YLPM1: variants seen among roughly 807,000 people sequenced by gnomAD.
YLPM1 encodes the protein YLP motif-containing protein 1.
Under a neutral mutation model 230.0 loss-of-function variants are expected in YLPM1, and 99 were observed. That is an observed-to-expected ratio of 0.43 (90% confidence interval 0.37 to 0.51). The LOEUF is 0.51. YLPM1 is among the 20% of genes least tolerant of loss of function. The probability of loss-of-function intolerance (pLI) is 0.00; values close to 1 mark genes in which losing one functional copy is unlikely to be tolerated. For synonymous variants in YLPM1, 984 were observed against 942.5 expected (o/e 1.04, Z -0.81); for missense variants, 2,592 against 2,707.7 (o/e 0.96, Z 0.95).
chr14:74,783,192 G>A (rs2091113044), intron 4 of YLPM1, among the ~76,000 whole-genome samples: 1 of 152,034 alleles, frequency 6.6e-6, no homozygotes, highest in African/African-American at 2.4e-5. Context: ...AGCCTCCCAG[G>A]TGGCTGGGAC....
At chr14:74,779,609 A>G (rs1260990739) in intron 2 of YLPM1, among the ~76,000 whole-genome samples, 2 of 151,596 alleles carry the variant, frequency 1.3e-5, no homozygotes, top group Admixed American at 1.3e-4. Flanking sequence ...CGGATTTTTC[A>G]TAGAGTGAAA....
chr14:74,817,185 C>T lies in YLPM1; in HGVS notation c.5863-9C>T. The T allele has an allele frequency of 6.3e-7, 1 of 1,598,740 alleles. No individual in the cohort carries two copies. Among genetic ancestry groups the T allele is most frequent in the Non-Finnish European group, 8.5e-7 (1 of 1,172,288 alleles). ...TATCTTTGCCTAATTATTATTCATTCTTGCTTAGGTATATTTGGCTGAAAT... is the reference window on the plus strand; with the variant it reads ...TATCTTTGCCTAATTATTATTCATTTTTGCTTAGGTATATTTGGCTGAAAT... On this transcript the variant is annotated splice_polypyrimidine_tract_variant and intron_variant, in intron 14 of 20. Coordinates refer to ENST00000325680, the MANE Select transcript of YLPM1 (RefSeq NM_019589.3).
chr14:74,827,826 G>T, intron 18 of YLPM1: 1 of 985,306 alleles, frequency 1.0e-6, no homozygotes, highest in Non-Finnish European at 1.2e-6. Flanking sequence ...CAGTCAGGGG[G>T]TCACTTCTTT....
chr14:74,813,205 G>A (rs2091450416), intron 11 of YLPM1, among the ~76,000 whole-genome samples: 1 of 152,112 alleles, frequency 6.6e-6, no homozygotes, highest in African/African-American at 2.4e-5. Context: ...TGAATTAACT[G>A]GTACTGGAGA....
Position 74,780,460 on chromosome 14 carries a change from A to G in YLPM1, c.1166A>G (p.His389Arg), listed in dbSNP as rs2091081781. Residue 389 changes from histidine (H) to arginine (R), a missense_variant, in exon 3 of 21, where the codon CAC becomes CGC. By Grantham distance (29) the His-to-Arg change is conservative. Coordinates refer to ENST00000325680, the MANE Select transcript of YLPM1 (RefSeq NM_019589.3). Reference protein sequence around the residue: ...RLKQLQAAAAHWQQHQQHRVG... With the variant: ...RLKQLQAAAARWQQHQQHRVG... ...AAGCAGTTGCAGGCTGCAGCAGCACACTGGCAGCAGCACCAGCAGCATCGA... is the reference window on the plus strand; with the variant it reads ...AAGCAGTTGCAGGCTGCAGCAGCACGCTGGCAGCAGCACCAGCAGCATCGA... The G allele has an allele frequency of 6.2e-7, 1 of 1,613,816 alleles. No homozygotes were observed. The highest frequency in any genetic ancestry group is 1.3e-5 in the African/African-American group (1 of 74,930).
chr14:74,799,208 T>G lies in YLPM1; in HGVS notation c.3911T>G (p.Leu1304Trp). 6.2e-7 allele frequency: 1 copy of G among 1,613,932 alleles called. No homozygotes were observed. Among genetic ancestry groups the G allele is most frequent in the South Asian group, 1.1e-5 (1 of 91,070 alleles). The change falls in exon 5 of 21, where the codon TTG becomes TGG. Residue 1304 changes from leucine (L) to tryptophan (W), a missense_variant. Leu to Trp is a moderately conservative substitution (Grantham distance 61). Coordinates refer to ENST00000325680, the MANE Select transcript of YLPM1 (RefSeq NM_019589.3). ...SRPMDMYDRS[L>W]DNEWDRDYGR... ...CCTATGGATATGTATGATAGAAGTTTGGATAATGAGTGGGACAGAGATTAT... is the reference window on the plus strand; with the variant it reads ...CCTATGGATATGTATGATAGAAGTTGGGATAATGAGTGGGACAGAGATTAT...
At chr14:74,787,144 A>G (rs7159354) in intron 4 of YLPM1, among the ~76,000 whole-genome samples, 97,775 of 151,948 alleles carry the variant, frequency 0.64, 31,875 homozygotes, top group East Asian at 0.75. Context: ...TTTTTTGACT[A>G]GGTTTTATGT....
intron 20 of YLPM1, 69 bp from the exon 21 acceptor site, chr14:74,835,706 T>A: frequency 2.4e-6 from 1 of 412,894 alleles, no homozygotes; most frequent in South Asian, 2.1e-5. Flanking sequence ...TGAAATGATG[T>A]TATACTAAGG....
intron 1 of YLPM1, among the ~76,000 whole-genome samples, chr14:74,769,251 A>ATTTTTTTTTTT (rs2090947722): frequency 5.6e-5 from 1 of 17,802 alleles, no homozygotes; most frequent in African/African-American, 1.4e-4. Context: ...ATTTTTTTGT[A>ATTTTTTTTTTT]TTTTTATCTT....
Position 74,832,494 on chromosome 14 carries a change from C to T in YLPM1, c.6295-2771C>T, listed in dbSNP as rs185341754. On this transcript the variant is annotated intron_variant, in intron 19 of 20. Coordinates refer to ENST00000325680, the MANE Select transcript of YLPM1 (RefSeq NM_019589.3). ...GTTTTTTTGTTTTTTATTTTTGAGA[C>T]AGAGTCTCACTCTGTTGCCCAGCCT... is the stretch of plus-strand genomic sequence containing the variant. 8.5e-5 allele frequency among the ~76,000 whole-genome samples: 13 copies of T among 152,088 alleles called. No homozygotes were observed. In the East Asian group the frequency reaches 2.5e-3, roughly 29 times the overall value.
chr14:74,793,771 C>G (rs1438201460), intron 4 of YLPM1, among the ~76,000 whole-genome samples: 2 of 152,168 alleles, frequency 1.3e-5, no homozygotes, highest in Non-Finnish European at 2.9e-5. Context: ...ACTGTTACTA[C>G]TGCTAGGGGA....
intron 4 of YLPM1, among the ~76,000 whole-genome samples, chr14:74,790,824 C>A (rs1199488559): frequency 6.6e-6 from 1 of 152,120 alleles, no homozygotes; most frequent in South Asian, 2.1e-4. Flanking sequence ...TATTTTCATA[C>A]AGATTTTTAA....
At chr14:74,821,220 C>T in intron 17 of YLPM1, 83 bp downstream of exon 17, 1 of 1,447,224 alleles carries the variant, frequency 6.9e-7, no homozygotes, top group African/African-American at 1.4e-5. Flanking sequence ...TGTGGTTAGA[C>T]AACTACTGTT....
At chr14:74,818,369 T>C in intron 16 of YLPM1, 55 bp downstream of exon 16, 2 of 1,472,154 alleles carry the variant, frequency 1.4e-6, no homozygotes, top group Admixed American at 4.5e-5. Context: ...TTTCACCTTT[T>C]TACTTTGAAA....
rs377119783 is a variant in YLPM1, at chr14:74,771,977, A to G, written c.874-6470A>G. Among the ~76,000 whole-genome samples the G allele has an allele frequency of 6.6e-5, 10 of 152,316 alleles. No individual in the cohort carries two copies. The East Asian group carries it at 9.6e-4, about 15-fold the overall frequency. Reference sequence around the variant, plus strand: ...TTCTAAAATGGAAACCCAATTCATTATTTTACCAGGTGTCCTCCCTGCCCC... The same window carrying G: ...TTCTAAAATGGAAACCCAATTCATTGTTTTACCAGGTGTCCTCCCTGCCCC... On this transcript the variant is annotated intron_variant, in intron 1 of 20. Transcript: ENST00000325680.
chr14:74,800,098 A>G (rs1036633658), intron 5 of YLPM1, among the ~76,000 whole-genome samples: 6 of 152,208 alleles, frequency 3.9e-5, no homozygotes, highest in Non-Finnish European at 8.8e-5. Context: ...CTAATCATTG[A>G]TAAAACTTTG....
Position 74,798,241 on chromosome 14 carries a change from T to C in YLPM1, c.2944T>C (p.Phe982Leu). Residue 982 changes from phenylalanine to leucine, a missense_variant, in exon 5 of 21, where the codon TTT becomes CTT. Transcript: ENST00000325680. ...ATSSLTADND[F>L]KPVGIGLPHS... Reference sequence around the variant, plus strand: ...ATCATCATTAACAGCAGATAATGATTTTAAACCTGTGGGTATTGGTCTACC... The same window carrying C: ...ATCATCATTAACAGCAGATAATGATCTTAAACCTGTGGGTATTGGTCTACC... The C allele has an allele frequency of 1.9e-6, 3 of 1,613,876 alleles. No homozygotes were observed. The highest frequency in any genetic ancestry group is 2.5e-6 in the Non-Finnish European group (3 of 1,179,858).
chr14:74,807,637 G>A (rs1400675189), intron 6 of YLPM1, among the ~76,000 whole-genome samples: 1 of 152,238 alleles, frequency 6.6e-6, no homozygotes, highest in African/African-American at 2.4e-5. Context: ...GGTAACTGGT[G>A]ATGCTTTGGG....
intron 1 of YLPM1, among the ~76,000 whole-genome samples, chr14:74,776,082 T>C (rs8010077): frequency 0.063 from 9,545 of 152,294 alleles, 698 homozygotes; most frequent in African/African-American, 0.18. Context: ...TATGCAACCT[T>C]GTAACCATGG....
Sources: gnomAD v4.1 joint callset for allele counts (sites outside exome capture counted in the v4.1 genomes callset) on GRCh38, gnomAD v4.1.1 for gene constraint, MANE v1.5 for transcripts, NCBI Gene and HGNC (gene_info 2026-07-23, HGNC 2026-07-21) for gene names.